Variants in RASAL1 observed in about 807,000 individuals in gnomAD.
RASAL1 encodes RAS protein activator like 1, also known as rasGAP-activating-like protein 1.
RASAL1 carries 72 observed loss-of-function variants against 96.6 expected under a neutral mutation model. The ratio of observed to expected loss-of-function variants is 0.75; its 90% confidence interval spans 0.62 to 0.91. The LOEUF (loss-of-function observed/expected upper bound fraction) is 0.91, where lower values mean the gene tolerates loss of function less well. Ranked by LOEUF, RASAL1 falls within the 40% of genes least tolerant of loss-of-function variation. The pLI is 0.00. For missense variants in RASAL1, 1,016 were observed against 1,072.5 expected (o/e 0.95, Z 0.74); for synonymous variants, 405 against 430.4 (o/e 0.94, Z 0.73).
intron 19 of RASAL1, among the ~76,000 whole-genome samples, chr12:113,101,355 G>A (rs1268958784): frequency 6.6e-6 from 1 of 152,214 alleles, no homozygotes; most frequent in Non-Finnish European, 1.5e-5. Context: ...GGCAGAGGTT[G>A]CAGTGAGCCA....
intron 8 of RASAL1, among the ~76,000 whole-genome samples, chr12:113,116,403 T>C (rs1339692250): frequency 6.6e-6 from 1 of 151,042 alleles, no homozygotes; most frequent in Non-Finnish European, 1.5e-5. Context: ...GATGCCCTTA[T>C]GGAAGAGCAC....
At chr12:113,102,559 C>CAA (rs893450658) in intron 18 of RASAL1, among the ~76,000 whole-genome samples, 4 of 152,028 alleles carry the variant, frequency 2.6e-5, no homozygotes, top group African/African-American at 4.8e-5. Context: ...CTCCATCTCA[C>CAA]ACACACACAA....
At chr12:113,131,643 T>C (rs553960958) in intron 1 of RASAL1, among the ~76,000 whole-genome samples, 1 of 152,322 alleles carries the variant, frequency 6.6e-6, no homozygotes, top group African/African-American at 2.4e-5. Context: ...ATGAGTCATC[T>C]GCCAATTCAG....
intron 4 of RASAL1, among the ~76,000 whole-genome samples, 164 bp from the exon 5 acceptor site, chr12:113,121,802 AC>A (rs1389249198): frequency 4.6e-5 from 7 of 151,416 alleles, no homozygotes; most frequent in Admixed American, 4.6e-4. Context: ...GCTCACTGCA[AC>A]CTCTGCCTCC....
At position 113,128,118 on chromosome 12, in the gene RASAL1, C is replaced by A. The variant is rs1951560251; in HGVS notation, c.183G>T (p.Leu61=). 1 of 1,613,858 alleles carries A rather than the reference C, an allele frequency of 6.2e-7. No individual in the cohort carries two copies. The highest frequency in any genetic ancestry group is 1.7e-5 in the Admixed American group (1 of 60,006). The stretch of plus-strand genomic sequence containing the variant: ...AGGCCAGCTGGTGGAAATCCAGAGG[C>A]AGGTGCACCGTGTACTCCTCCCCCC... ...PFWGEEYTVH[L]PLDFHQLAFY... The change falls in exon 3 of 21, where the codon CTG becomes CTT. Residue 61 remains leucine, a synonymous_variant. Coordinates refer to ENST00000548055, the MANE Select transcript of RASAL1 (RefSeq NM_001301202.2).
In RASAL1 at chr12:113,099,889, T is replaced by TG; in HGVS notation, c.*39dup. ...GCAGGATGCGCTGAAGAGGGCCCCCTGGCTCTTGCTCCTCCTTCCGGGCTA... is the reference window on the plus strand; with the variant it reads ...GCAGGATGCGCTGAAGAGGGCCCCCTGGGCTCTTGCTCCTCCTTCCGGGCTA... On this transcript the variant is annotated 3_prime_UTR_variant, in exon 21 of 21. Coordinates refer to ENST00000548055, the MANE Select transcript of RASAL1 (RefSeq NM_001301202.2). 6.3e-7 allele frequency: 1 copy of TG among 1,584,682 alleles called. No homozygotes were observed. The highest frequency in any genetic ancestry group is 8.6e-7 in the Non-Finnish European group (1 of 1,161,452).
At chr12:113,131,833 ACTGCCATGG>A (rs1951721132) in intron 1 of RASAL1, among the ~76,000 whole-genome samples, 1 of 152,132 alleles carries the variant, frequency 6.6e-6, no homozygotes, top group South Asian at 2.1e-4. Context: ...TAGCCCTGAT[ACTGCCATGG>A]CTGGCTCCTT....
At chr12:113,126,263 C>T (rs184078674) in intron 4 of RASAL1, among the ~76,000 whole-genome samples, 4 of 151,340 alleles carry the variant, frequency 2.6e-5, no homozygotes, top group Non-Finnish European at 4.4e-5. Flanking sequence ...CCAGCCTGGG[C>T]GACAGAGCAA....
At position 113,119,125 on chromosome 12, in the gene RASAL1, C is replaced by T. The variant is rs183263506; in HGVS notation, c.642+3G>A. The T allele has an allele frequency of 7.5e-5, 120 of 1,603,614 alleles. No individual in the cohort carries two copies. The African/African-American group carries it at 1.5e-3, about 20-fold the overall frequency. ...GGAGGGTATTGTAGGGAATGAGGCT[C>T]ACCATGCCCAAGAAGTCATTCTTGC... is the stretch of plus-strand genomic sequence containing the variant. On this transcript the variant is annotated splice_donor_region_variant and intron_variant, in intron 7 of 20. Coordinates refer to ENST00000548055, the MANE Select transcript of RASAL1 (RefSeq NM_001301202.2).
chr12:113,115,155 AC>A lies in RASAL1; in HGVS notation c.1068+44del. On this transcript the variant is annotated intron_variant, in intron 11 of 20. Coordinates refer to ENST00000548055, the MANE Select transcript of RASAL1 (RefSeq NM_001301202.2). This position sits in a 1 kb window ranked among gnomAD's most constrained non-coding sequence, Gnocchi z 4.1. ...GCCAGGTAGGCACTGGGAAGGAGGT[AC>A]CCGAGGAAGCTGCGCCTGGTCCCGC... 2 of 1,550,910 alleles carry A rather than the reference AC, an allele frequency of 1.3e-6. No homozygotes were observed. The highest frequency in any genetic ancestry group is 1.8e-6 in the Non-Finnish European group (2 of 1,123,366).
intron 15 of RASAL1, among the ~76,000 whole-genome samples, chr12:113,106,546 C>T (rs1326481530): frequency 6.6e-6 from 1 of 152,100 alleles, no homozygotes; most frequent in African/African-American, 2.4e-5. Flanking sequence ...TGCTCTGTGT[C>T]CTACCTCAGG....
intron 18 of RASAL1, 52 bp from the exon 19 acceptor site, chr12:113,102,061 C>G: frequency 1.9e-6 from 3 of 1,582,308 alleles, no homozygotes; most frequent in Non-Finnish European, 2.6e-6. Flanking sequence ...CTTCCAGAAG[C>G]CTCCACAGCC....
rs146594348 is a variant in RASAL1, at chr12:113,130,918, C to A, written c.89G>T (p.Cys30Phe). ...KDVSGSSDPY[C>F]LVKVDDEVVA... ...CACCTCGTCGTCCACTTTCACTAGG[C>A]AGTAGGGGTCGCTGCTCCCAGACCT... is the stretch of plus-strand genomic sequence containing the variant. The change falls in exon 2 of 21, where the codon TGC becomes TTC. Residue 30 changes from cysteine (C) to phenylalanine (F), a missense_variant. By Grantham distance (205) the Cys-to-Phe change is radical. Transcript: ENST00000548055. The surrounding 1 kb of genome is among the most constrained non-coding windows in gnomAD (Gnocchi z 5.1). The A allele has an allele frequency of 3.8e-4, 609 of 1,613,556 alleles. No individual in the cohort carries two copies. Among genetic ancestry groups the A allele is most frequent in the Non-Finnish European group, 4.9e-4 (578 of 1,179,860 alleles).
chr12:113,128,204 G>A (rs1951565380), intron 2 of RASAL1, 26 bp from the exon 3 acceptor site: 1 of 1,528,178 alleles, frequency 6.5e-7, no homozygotes, highest in Non-Finnish European at 9.0e-7. Flanking sequence ...CAGGGGGCTG[G>A]GGTCCTCGGG....
chr12:113,121,539 C>G lies in RASAL1; in HGVS notation c.398G>C (p.Arg133Pro), dbSNP rs752830061. 6 of 1,614,036 alleles carry G rather than the reference C, an allele frequency of 3.7e-6. No homozygotes were observed. The highest frequency in any genetic ancestry group is 5.1e-6 in the Non-Finnish European group (6 of 1,180,030). ...SVQMLEDGQG[R>P]CLRCHVLQAR... ...CTGAAGCACATGGCAGCGAAGGCAG[C>G]GGCCCTGCCCATCCTCCAGCATCTG... is the stretch of plus-strand genomic sequence containing the variant. The change falls in exon 5 of 21, where the codon CGC becomes CCC. Residue 133 changes from arginine to proline, a missense_variant. Transcript: ENST00000548055.
rs745903688 is a variant in RASAL1 at position 113,104,033 on chromosome 12, C to T, written c.2017G>A (p.Ala673Thr). 7 of 1,553,218 alleles carry T rather than the reference C, an allele frequency of 4.5e-6. No individual in the cohort carries two copies. The South Asian group carries it at 8.3e-5, about 18-fold the overall frequency. The stretch of plus-strand genomic sequence containing the variant: ...GCGGCCAGCTTGTTCGGGTTGGGGG[C>T]GCTGGCCTTGCGCAAGGCCGAGAGC... ...QWLSALRKASAPNPNKLAACH... is the reference protein window; with the variant it reads ...QWLSALRKASTPNPNKLAACH... The change falls in exon 18 of 21, where the codon GCC (alanine) becomes ACC (threonine). Residue 673 changes from alanine to threonine, a missense_variant. Physicochemically the swap from Ala to Thr is moderately conservative, Grantham distance 58 (BLOSUM62 0). Transcript: ENST00000548055.
At chr12:113,121,690 T>C in intron 4 of RASAL1, 52 bp from the exon 5 acceptor site, 2 of 1,572,236 alleles carry the variant, frequency 1.3e-6, no homozygotes, top group African/African-American at 1.4e-5. Context: ...GTACTGGGCA[T>C]TGTGTTAACT....
chr12:113,103,037 A>C (rs983798150), intron 18 of RASAL1: 3 of 307,128 alleles, frequency 9.8e-6, no homozygotes, highest in South Asian at 5.3e-5. Flanking sequence ...TTGAGTCCCC[A>C]TCCTGAGGCT....
chr12:113,115,800 C>T lies in RASAL1; in HGVS notation c.850-12G>A, dbSNP rs1168025968. The T allele has an allele frequency of 6.2e-6, 10 of 1,612,334 alleles. No homozygotes were observed. The East Asian group carries it at 8.9e-5, about 14-fold the overall frequency. ...CTAGCAGTGTCCTCCTGGGTGGGGG[C>T]GGGAGACAAAGATGACCTCGGCCCC... is the stretch of plus-strand genomic sequence containing the variant. On this transcript the variant is annotated splice_polypyrimidine_tract_variant and intron_variant, in intron 9 of 20. Transcript: ENST00000548055. This position sits in a 1 kb window ranked among gnomAD's most constrained non-coding sequence, Gnocchi z 4.1.
Sources: gnomAD v4.1 joint callset for allele counts (sites outside exome capture counted in the v4.1 genomes callset) on GRCh38, gnomAD v4.1.1 for gene constraint, Gnocchi (gnomAD v3.1) non-coding constraint, MANE v1.5 for transcripts, NCBI Gene and HGNC (gene_info 2026-07-23, HGNC 2026-07-21) for gene names.